The following DMGDH variants were observed in gnomAD, a reference collection of about 807,000 sequenced individuals.
DMGDH encodes the protein dimethylglycine dehydrogenase, mitochondrial.
In DMGDH, 76 loss-of-function variants were observed where a neutral mutation model predicts 95.2. The ratio of observed to expected loss-of-function variants is 0.80; its 90% CI spans 0.66 to 0.97. The LOEUF is 0.97. DMGDH is among the 50% of genes least tolerant of loss of function. DMGDH has a pLI of 0.00. For missense variants in DMGDH, 987 were observed against 1,055.0 expected, an observed-to-expected ratio of 0.94 and a Z score of 0.89; for synonymous variants, 345 against 377.6, an observed-to-expected ratio of 0.91 and a Z score of 1.00.
At chr5:79,026,294 A>C in intron 13 of DMGDH, 130 bp downstream of exon 13, 1 of 1,185,156 alleles carries the variant, frequency 8.4e-7, no homozygotes, top group Non-Finnish European at 1.2e-6. Flanking sequence ...CCCCTAATGA[A>C]ATAAAGTTAT....
At position 79,069,617 on chromosome 5, in the gene DMGDH, G is replaced by A; in HGVS notation, c.4C>T (p.Leu2Phe). Residue 2 changes from leucine (L) to phenylalanine (F), a missense_variant, in exon 1 of 16, where the codon CTC (leucine) becomes TTC (phenylalanine). By Grantham distance (22) the Leu-to-Phe change is conservative. Transcript: ENST00000255189. M[L>F]RPGAQLLRGL... ...CGCAGCAGCTGCGCGCCGGGACGGA[G>A]CATGACTAGGCCGAGGCCGAGGGCG... The A allele has an allele frequency of 7.3e-7, 1 of 1,374,046 alleles. No individual in the cohort carries two copies. The highest frequency in any genetic ancestry group is 1.7e-5 in the South Asian group (1 of 57,752). The allele number at this position is 1,374,046 out of a possible 1,614,324, so 85.1% of individuals were successfully genotyped here. A position where few individuals can be genotyped will look rare whatever the true frequency, so the allele number is the denominator to read the frequency against.
chr5:79,024,982 A>T (rs1300377194), intron 13 of DMGDH, among the ~76,000 whole-genome samples: 2 of 152,270 alleles, frequency 1.3e-5, no homozygotes, highest in Non-Finnish European at 2.9e-5. Flanking sequence ...TTAAAGCAAC[A>T]CAGCACCTGC....
At chr5:79,056,788 T>G (rs76914455) in intron 2 of DMGDH, among the ~76,000 whole-genome samples, 10,832 of 144,388 alleles carry the variant, frequency 0.075, 854 homozygotes, top group African/African-American at 0.19. Flanking sequence ...CCGGGAGGCA[T>G]AGGTTGCAGT....
rs1755278876 is a variant in DMGDH at position 79,063,668 on chromosome 5, T to C, written c.221A>G (p.Lys74Arg). The C allele has an allele frequency of 6.2e-7, 1 of 1,614,190 alleles. No homozygotes were observed. Among genetic ancestry groups the C allele is most frequent in the East Asian group, 2.2e-5 (1 of 44,882 alleles). The change falls in exon 2 of 16, where the codon AAA becomes AGA. Residue 74 changes from lysine to arginine, a missense_variant. Lys to Arg is a conservative substitution (Grantham distance 26). Transcript: ENST00000255189. ...TGATTTCTCCAGCAGGACCACATCT[T>C]TCATCCCTGCTTTGGCCAGGTGATA... ...LAYHLAKAGM[K>R]DVVLLEKSEL... is the part of the protein sequence containing the mutation.
intron 7 of DMGDH, among the ~76,000 whole-genome samples, chr5:79,041,433 A>G (rs1251348190): frequency 1.3e-5 from 2 of 152,254 alleles, no homozygotes; most frequent in African/African-American, 4.8e-5. Context: ...AAATTAATGG[A>G]ACAAACATCA....
At chr5:79,005,166 T>G (rs1229791348) in intron 15 of DMGDH, 107 bp downstream of exon 15, 7 of 1,480,140 alleles carry the variant, frequency 4.7e-6, no homozygotes, top group Non-Finnish European at 6.5e-6. Context: ...GTGTCATCCC[T>G]CCAACAAATA....
At chr5:79,035,705 T>C (rs1026897514) in intron 7 of DMGDH, among the ~76,000 whole-genome samples, 4 of 116,536 alleles carry the variant, frequency 3.4e-5, no homozygotes, top group African/African-American at 1.3e-4. Context: ...AGCAAATAAA[T>C]GGGCAGAGTG....
chr5:79,008,281 G>A (rs970187483), intron 14 of DMGDH, among the ~76,000 whole-genome samples: 2 of 152,164 alleles, frequency 1.3e-5, no homozygotes, highest in Non-Finnish European at 2.9e-5. Flanking sequence ...TTTGAGTTGA[G>A]TTTTGAAAGA....
Position 79,005,266 on chromosome 5 carries a change from C to T in DMGDH, c.2385+7G>A. On this transcript the variant is annotated splice_region_variant and intron_variant, in intron 15 of 15. Transcript: ENST00000255189. ...CAGCCCCTGGCAGTGAGGTCCTCAG[C>T]ACTCACCTTGCCATTGTACCAGATG... The T allele has an allele frequency of 1.2e-6, 2 of 1,613,376 alleles. No individual in the cohort carries two copies. The highest frequency in any genetic ancestry group is 1.1e-5 in the South Asian group (1 of 90,936).
rs1350866708 is a variant in DMGDH at position 79,036,883 on chromosome 5, G to A, written c.1194-3475C>T. Among the ~76,000 whole-genome samples, 3 of 151,988 alleles carry A rather than the reference G, an allele frequency of 2.0e-5. No homozygotes were observed. The East Asian group carries it at 5.8e-4, about 29-fold the overall frequency. ...ATCTGTTGAAGCCCTAATCCTCAATGTCACGGTATTTAGAGATGGTACTCT... is the reference window on the plus strand; with the variant it reads ...ATCTGTTGAAGCCCTAATCCTCAATATCACGGTATTTAGAGATGGTACTCT... On this transcript the variant is annotated intron_variant, in intron 7 of 15. Coordinates refer to ENST00000255189, the MANE Select transcript of DMGDH (RefSeq NM_013391.3).
At chr5:79,007,620 T>C (rs1054752508) in intron 14 of DMGDH, among the ~76,000 whole-genome samples, 13 of 152,214 alleles carry the variant, frequency 8.5e-5, no homozygotes, top group African/African-American at 3.1e-4. Context: ...TGCTTTATTG[T>C]GCAGAGAAGC....
intron 15 of DMGDH, 68 bp downstream of exon 15, chr5:79,005,205 T>C (rs1753524261): frequency 1.2e-6 from 2 of 1,604,438 alleles, no homozygotes; most frequent in Non-Finnish European, 1.7e-6. Flanking sequence ...TAAGAGGAAA[T>C]AGGAACAAGG....
chr5:79,069,549 C>A lies in DMGDH; in HGVS notation c.72G>T (p.Gly24=). 2.3e-6 allele frequency: 3 copies of A among 1,317,590 alleles called. No homozygotes were observed. Among genetic ancestry groups the A allele is most frequent in the Non-Finnish European group, 1.9e-6 (2 of 1,036,074 alleles). The allele number at this position is 1,317,590 out of a possible 1,614,324, so 81.6% of individuals were successfully genotyped here. A position where few individuals can be genotyped will look rare whatever the true frequency, so the allele number is the denominator to read the frequency against. Residue 24 remains glycine, a synonymous_variant, in exon 1 of 16, where the codon GGG becomes GGT. Transcript: ENST00000255189. The part of the protein sequence containing the change: ...LRSCPLQGSP[G]RPRSVCGREG... Reference sequence around the variant, plus strand: ...CCCGGCCGCAGACAGAGCGCGGGCGCCCGGGGGAGCCCTGCAGCGGGCAGC... The same window carrying A: ...CCCGGCCGCAGACAGAGCGCGGGCGACCGGGGGAGCCCTGCAGCGGGCAGC...
chr5:79,053,247 G>A (rs540109709), intron 4 of DMGDH, among the ~76,000 whole-genome samples: 2 of 152,118 alleles, frequency 1.3e-5, no homozygotes, highest in South Asian at 2.1e-4. Flanking sequence ...CAAACACCTG[G>A]GCTCAAGAGA....
chr5:79,042,206 A>T (rs1336417228), intron 7 of DMGDH, 77 bp downstream of exon 7: 36 of 1,374,588 alleles, frequency 2.6e-5, no homozygotes, highest in Non-Finnish European at 3.3e-5. Context: ...TCCCTTTTGC[A>T]TCCTGAGAAT....
intron 14 of DMGDH, among the ~76,000 whole-genome samples, chr5:79,013,770 G>A (rs772624521): frequency 3.9e-5 from 6 of 152,140 alleles, no homozygotes; most frequent in Non-Finnish European, 8.8e-5. Flanking sequence ...TACATGGCAG[G>A]AGCAGGAGCA....
chr5:79,019,866 T>C (rs925515221), intron 14 of DMGDH, among the ~76,000 whole-genome samples: 13 of 151,980 alleles, frequency 8.6e-5, no homozygotes, highest in African/African-American at 2.7e-4. Context: ...GCCTGGGCAA[T>C]AGGGCAAGAC....
At chr5:79,055,073 G>A (rs934486610) in intron 3 of DMGDH, among the ~76,000 whole-genome samples, 4 of 152,338 alleles carry the variant, frequency 2.6e-5, no homozygotes, top group African/African-American at 9.6e-5. Flanking sequence ...GGGGCCAGGG[G>A]AAGCAGCAGA....
At chr5:79,046,577 G>A (rs1482048427) in intron 5 of DMGDH, among the ~76,000 whole-genome samples, 1 of 152,030 alleles carries the variant, frequency 6.6e-6, no homozygotes. Context: ...TATGTAGACA[G>A]GGTTTTGCCA....
Sources: gnomAD v4.1 joint callset for allele counts (sites outside exome capture counted in the v4.1 genomes callset) on GRCh38, gnomAD v4.1.1 for gene constraint, MANE v1.5 for transcripts, NCBI Gene and HGNC (gene_info 2026-07-23, HGNC 2026-07-21) for gene names.